Variants in VPS13A observed in about 807,000 individuals in gnomAD.
VPS13A encodes the protein intermembrane lipid transfer protein VPS13A.
A neutral mutation model predicts 390.9 loss-of-function variants in VPS13A; 264 were observed. That is an observed-to-expected ratio of 0.68 (90% CI 0.61 to 0.75). The LOEUF (loss-of-function observed/expected upper bound fraction) is 0.75. Ranked by LOEUF, VPS13A falls within the 30% of genes least tolerant of loss-of-function variation. VPS13A has a pLI of 0.00. For missense variants in VPS13A, 3,409 were observed against 3,733.9 expected (o/e 0.91, Z 2.27); for synonymous variants, 1,231 against 1,227.1 (o/e 1.00, Z -0.07).
At chr9:77,411,679 A>T (rs905358953) in intron 71 of VPS13A, among the ~76,000 whole-genome samples, 29 of 147,176 alleles carry the variant, frequency 2.0e-4, no homozygotes, top group African/African-American at 5.8e-4. Context: ...AAAAAAAAAA[A>T]AAAAAAGGAA....
chr9:77,195,701 C>T (rs1478450426), intron 1 of VPS13A, among the ~76,000 whole-genome samples: 6 of 151,996 alleles, frequency 3.9e-5, no homozygotes, highest in African/African-American at 9.7e-5. Context: ...CGTGCCACTG[C>T]GCTCCAGCCT....
chr9:77,345,550 A>G (rs992305726), intron 52 of VPS13A, among the ~76,000 whole-genome samples: 8 of 152,102 alleles, frequency 5.3e-5, no homozygotes, highest in African/African-American at 1.9e-4. Flanking sequence ...TCTTGGGGAA[A>G]GGACTGCTTC....
At chr9:77,356,223 A>G (rs1367871181) in intron 54 of VPS13A, among the ~76,000 whole-genome samples, 4 of 152,046 alleles carry the variant, frequency 2.6e-5, no homozygotes, top group African/African-American at 9.7e-5. Flanking sequence ...CTCTACCTGA[A>G]ATGTTTTCCT....
chr9:77,204,925 G>T (rs1467589320), intron 3 of VPS13A, among the ~76,000 whole-genome samples: 1 of 152,120 alleles, frequency 6.6e-6, no homozygotes, highest in African/African-American at 2.4e-5. Context: ...CACTGCGCCT[G>T]GCCTAATCTA....
chr9:77,318,205 G>C (rs761726112), intron 40 of VPS13A, 30 bp from the exon 41 acceptor site: 1 of 1,357,012 alleles, frequency 7.4e-7, no homozygotes, highest in Non-Finnish European at 1.0e-6. Flanking sequence ...AAAGTGTTTT[G>C]TATAGACTTA....
At chr9:77,270,515 A>C (rs778992031) in intron 23 of VPS13A, among the ~76,000 whole-genome samples, 40 of 152,302 alleles carry the variant, frequency 2.6e-4, no homozygotes, top group Admixed American at 7.8e-4. Flanking sequence ...ACACGATGAA[A>C]TCCCGTCTCT....
intron 33 of VPS13A, among the ~76,000 whole-genome samples, chr9:77,297,718 T>C (rs1828100513): frequency 6.6e-6 from 1 of 151,996 alleles, no homozygotes; most frequent in African/African-American, 2.4e-5. Flanking sequence ...ATAAGAAATA[T>C]AATAGTGAGC....
At position 77,416,243 on chromosome 9, in the gene VPS13A, A is replaced by G; in HGVS notation, c.*237A>G. 1 of 454,556 alleles carries G rather than the reference A, an allele frequency of 2.2e-6. No homozygotes were observed. The highest frequency in any genetic ancestry group is 4.0e-6 in the Non-Finnish European group (1 of 249,090). The allele number at this position is 454,556 out of a possible 1,614,324, so 28.2% of individuals were successfully genotyped here. On this transcript the variant is annotated 3_prime_UTR_variant, in exon 72 of 72. Transcript: ENST00000360280. Reference sequence around the variant, plus strand: ...GCAATTACCCGGTTTTCTAAATTGAATCATGCATCTATTTATAATTCTAAT... The same window carrying G: ...GCAATTACCCGGTTTTCTAAATTGAGTCATGCATCTATTTATAATTCTAAT...
intron 31 of VPS13A, among the ~76,000 whole-genome samples, chr9:77,290,547 CTCT>C (rs962850918): frequency 5.3e-5 from 8 of 152,000 alleles, no homozygotes; most frequent in African/African-American, 1.9e-4. Context: ...TTCCCTGTTC[CTCT>C]TCTTGAATTC....
intron 23 of VPS13A, among the ~76,000 whole-genome samples, chr9:77,267,079 C>T (rs1826078658): frequency 6.6e-6 from 1 of 151,966 alleles, no homozygotes; most frequent in South Asian, 2.1e-4. Flanking sequence ...TTTTTCAACA[C>T]TCTTAGGTTC....
chr9:77,342,398 T>C (rs890725467), intron 50 of VPS13A, among the ~76,000 whole-genome samples: 2 of 114,232 alleles, frequency 1.8e-5, no homozygotes, highest in African/African-American at 6.3e-5. Context: ...TTCTTAACTG[T>C]CATTTTTTTT....
At chr9:77,345,492 A>C (rs530250720) in intron 52 of VPS13A, among the ~76,000 whole-genome samples, 3 of 152,204 alleles carry the variant, frequency 2.0e-5, no homozygotes, top group South Asian at 4.2e-4. Flanking sequence ...TAAATATGTA[A>C]AATTTCAGAT....
At chr9:77,397,232 G>A (rs1276131013) in intron 68 of VPS13A, among the ~76,000 whole-genome samples, 10 of 151,958 alleles carry the variant, frequency 6.6e-5, no homozygotes, top group Non-Finnish European at 1.0e-4. Context: ...CTTGGGATCC[G>A]CCCGCCTCGG....
At chr9:77,355,503 CA>C (rs1401380353) in intron 54 of VPS13A, among the ~76,000 whole-genome samples, 1 of 152,168 alleles carries the variant, frequency 6.6e-6, no homozygotes, top group African/African-American at 2.4e-5. Context: ...TTTATGATTT[CA>C]AATACTGCCC....
At chr9:77,319,972 T>G (rs1829642965) in intron 42 of VPS13A, among the ~76,000 whole-genome samples, 1 of 152,150 alleles carries the variant, frequency 6.6e-6, no homozygotes, top group South Asian at 2.1e-4. Flanking sequence ...ACATGCTTCC[T>G]TGTTTGCCCT....
At chr9:77,264,194 G>A (rs1056879428) in intron 23 of VPS13A, among the ~76,000 whole-genome samples, 7 of 152,118 alleles carry the variant, frequency 4.6e-5, no homozygotes, top group Admixed American at 1.3e-4. Flanking sequence ...TTTGGTTACC[G>A]TAGGCTTGTA....
chr9:77,405,653 T>TTATC (rs1305906553), intron 69 of VPS13A, among the ~76,000 whole-genome samples: 5 of 152,176 alleles, frequency 3.3e-5, no homozygotes, highest in African/African-American at 9.6e-5. Flanking sequence ...AATACTATTG[T>TTATC]TATCTTTTTG....
chr9:77,304,874 T>G (rs914124582), intron 34 of VPS13A, among the ~76,000 whole-genome samples: 2 of 152,144 alleles, frequency 1.3e-5, no homozygotes, highest in Non-Finnish European at 2.9e-5. Context: ...TTTCCCTTTC[T>G]ATTTCTTTCT....
At chr9:77,391,434 A>C (rs999534935) in intron 68 of VPS13A, among the ~76,000 whole-genome samples, 12 of 152,126 alleles carry the variant, frequency 7.9e-5, no homozygotes, top group Admixed American at 7.9e-4. Flanking sequence ...TCATCCAAAA[A>C]CACAATTTAA....
Sources: allele counts gnomAD v4.1 joint callset (sites outside exome capture counted in the v4.1 genomes callset), GRCh38; gene constraint gnomAD v4.1.1; transcripts MANE v1.5; gene names NCBI Gene and HGNC (gene_info 2026-07-23, HGNC 2026-07-21).